CUX1: variants seen among roughly 807,000 people sequenced by gnomAD.
CUX1 encodes the protein protein CASP.
CUX1 carries 31 observed loss-of-function variants against 158.8 expected under a neutral mutation model. That is an observed-to-expected ratio of 0.20 (90% confidence interval 0.15 to 0.26). The LOEUF (loss-of-function observed/expected upper bound fraction) is 0.26. Ranked by LOEUF, CUX1 falls within the 10% of genes least tolerant of loss-of-function variation. The pLI, the probability that CUX1 is intolerant of heterozygous loss-of-function variation, is 1.00. For synonymous variants in CUX1, 879 were observed against 862.1 expected (o/e 1.02, Z -0.34); for missense variants, 1,589 against 2,014.6 (o/e 0.79, Z 4.04).
At chr7:101,974,373 C>T (rs1314489782) in intron 2 of CUX1, among the ~76,000 whole-genome samples, 4 of 152,008 alleles carry the variant, frequency 2.6e-5, no homozygotes, top group Non-Finnish European at 4.4e-5. Context: ...TATCAGGAAG[C>T]GAAATAACCT....
chr7:102,232,941 C>T (rs991364359), intron 21 of CUX1, among the ~76,000 whole-genome samples: 7 of 152,180 alleles, frequency 4.6e-5, no homozygotes, highest in Non-Finnish European at 8.8e-5. Context: ...CTGGGCAGCT[C>T]CCTCTCCTCT....
intron 20 of CUX1, among the ~76,000 whole-genome samples, chr7:102,206,194 G>A (rs1362168092): frequency 6.6e-6 from 1 of 152,120 alleles, no homozygotes; most frequent in Non-Finnish European, 1.5e-5. Context: ...GGGGCACCTC[G>A]GTGGCATCCA....
At chr7:102,160,321 C>A (rs1488490493) in intron 9 of CUX1, among the ~76,000 whole-genome samples, 1 of 152,154 alleles carries the variant, frequency 6.6e-6, no homozygotes, top group Non-Finnish European at 1.5e-5. Flanking sequence ...TTAGGGCAAT[C>A]TAATGTGCCC....
intron 2 of CUX1, among the ~76,000 whole-genome samples, chr7:101,977,234 G>A (rs1011503279): frequency 3.3e-5 from 5 of 151,858 alleles, no homozygotes; most frequent in African/African-American, 1.2e-4. Context: ...TTCCATTTCC[G>A]CTTTTATCTC....
intron 1 of CUX1, among the ~76,000 whole-genome samples, chr7:101,876,965 C>T (rs1393126555): frequency 6.6e-6 from 1 of 152,158 alleles, no homozygotes; most frequent in African/African-American, 2.4e-5. Context: ...TACCACTCTG[C>T]ACCACGTTGG....
chr7:101,982,225 C>T (rs1246661959), intron 2 of CUX1, among the ~76,000 whole-genome samples: 2 of 152,186 alleles, frequency 1.3e-5, no homozygotes, highest in African/African-American at 2.4e-5. Context: ...TGACTGCTGA[C>T]ATCTTCCACT....
intron 7 of CUX1, among the ~76,000 whole-genome samples, chr7:102,112,392 C>T (rs531252306): frequency 7.5e-6 from 1 of 132,638 alleles, no homozygotes; most frequent in Non-Finnish European, 1.6e-5. Flanking sequence ...CAGGCGCCCA[C>T]CACCATGCCT....
At chr7:101,984,870 T>C (rs576500400) in intron 2 of CUX1, among the ~76,000 whole-genome samples, 20 of 152,344 alleles carry the variant, frequency 1.3e-4, no homozygotes, top group African/African-American at 4.3e-4. Context: ...AATTTTATTA[T>C]ATATTAAAGT....
intron 3 of CUX1, among the ~76,000 whole-genome samples, chr7:102,038,956 A>G (rs776789405): frequency 1.3e-5 from 2 of 152,198 alleles, no homozygotes; most frequent in African/African-American, 2.4e-5. Flanking sequence ...AAAGAAAATT[A>G]AATAGATAAA....
intron 9 of CUX1, among the ~76,000 whole-genome samples, chr7:102,164,212 G>A (rs895616753): frequency 3.3e-5 from 5 of 152,232 alleles, no homozygotes; most frequent in Non-Finnish European, 7.3e-5. Context: ...TCCTTTCTGA[G>A]CAGTGGTGAT....
At chr7:101,884,896 G>A (rs1800070451) in intron 1 of CUX1, among the ~76,000 whole-genome samples, 2 of 152,072 alleles carry the variant, frequency 1.3e-5, no homozygotes, top group South Asian at 4.2e-4. Flanking sequence ...GTTCTGCCTG[G>A]TTTTGGTGAT....
At chr7:102,116,983 G>A (rs1486679751) in intron 8 of CUX1, among the ~76,000 whole-genome samples, 2 of 152,170 alleles carry the variant, frequency 1.3e-5, no homozygotes, top group African/African-American at 4.8e-5. Context: ...GCTCCATGGG[G>A]AGACAGGCCA....
chr7:102,253,726 C>T lies in CUX1; in HGVS notation c.*4684C>T, dbSNP rs1256329933. On this transcript the variant is annotated 3_prime_UTR_variant, in exon 24 of 24. Transcript: ENST00000292535. ...GCGCTTCTTGGCAGACCAGTAAAAA[C>T]AAAAGCCCATAGACCTTACTCATCC... 1.0e-6 allele frequency: 1 copy of T among 985,436 alleles called. No homozygotes were observed. The allele number at this position is 985,436 out of a possible 1,614,324, so 61.0% of individuals were successfully genotyped here. A position where few individuals can be genotyped will look rare whatever the true frequency, so the allele number is the denominator to read the frequency against.
At chr7:102,050,617 AG>A (rs1237316377) in intron 3 of CUX1, among the ~76,000 whole-genome samples, 2 of 152,246 alleles carry the variant, frequency 1.3e-5, no homozygotes, top group African/African-American at 4.8e-5. Context: ...AGAGGTAACC[AG>A]CCCCTAGTTG....
intron 13 of CUX1, chr7:102,194,130 C>T: frequency 1.7e-6 from 1 of 582,284 alleles, no homozygotes; most frequent in Admixed American, 2.8e-5. Flanking sequence ...TGGGGATGAA[C>T]AAGGGATTGC....
At chr7:102,077,874 T>A (rs1395505179) in intron 4 of CUX1, among the ~76,000 whole-genome samples, 1 of 143,598 alleles carries the variant, frequency 7.0e-6, no homozygotes, top group African/African-American at 2.8e-5. Flanking sequence ...TTGATACTTT[T>A]CATTTTTTTT....
chr7:102,268,618 A>T (rs1231606158), intron 14 of CUX1, among the ~76,000 whole-genome samples: 4 of 152,192 alleles, frequency 2.6e-5, no homozygotes, highest in Admixed American at 2.6e-4. Context: ...GCTATAGAGA[A>T]ATACCTGAGG....
At chr7:101,902,219 C>G (rs900976238) in intron 1 of CUX1, among the ~76,000 whole-genome samples, 3 of 152,168 alleles carry the variant, frequency 2.0e-5, no homozygotes, top group Non-Finnish European at 4.4e-5. Context: ...AAATCCAGGC[C>G]CTACCTCTCC....
At chr7:102,234,707 G>A (rs184282911) in intron 22 of CUX1, among the ~76,000 whole-genome samples, 2 of 150,756 alleles carry the variant, frequency 1.3e-5, no homozygotes, top group African/African-American at 4.9e-5. Flanking sequence ...ATCACTTGAG[G>A]TCAGGAGTTC....
Sources: allele counts gnomAD v4.1 joint callset (sites outside exome capture counted in the v4.1 genomes callset), GRCh38; gene constraint gnomAD v4.1.1; transcripts MANE v1.5; gene names NCBI Gene and HGNC (gene_info 2026-07-23, HGNC 2026-07-21).